The following SH3KBP1 variants were observed in gnomAD, a reference collection of about 807,000 sequenced individuals.
SH3KBP1 encodes the protein SH3 domain containing kinase binding protein 1, also known as SH3 domain-containing kinase-binding protein 1.
SH3KBP1 carries 8 observed loss-of-function variants against 50.1 expected under a neutral mutation model. That is an observed-to-expected ratio of 0.16 (90% CI 0.09 to 0.29). The LOEUF (loss-of-function observed/expected upper bound fraction) is 0.29. Among genes scored for constraint, SH3KBP1 ranks in the 10% least tolerant of loss-of-function variants. The probability of loss-of-function intolerance (pLI) is 1.00; values close to 1 mark genes in which losing one functional copy is unlikely to be tolerated. For synonymous variants in SH3KBP1, 227 were observed against 218.6 expected (o/e 1.04, Z -0.34); for missense variants, 377 against 535.2 (o/e 0.70, Z 2.92).
intron 3 of SH3KBP1, among the ~76,000 whole-genome samples, chrX:19,719,288 G>A (rs915091519): frequency 1.8e-5 from 2 of 111,065 alleles, no homozygotes; most frequent in African/African-American, 6.6e-5. Context: ...ATCCCTATGT[G>A]GACCCCAGGT....
intron 6 of SH3KBP1, among the ~76,000 whole-genome samples, chrX:19,657,526 A>G (rs954460068): frequency 1.8e-5 from 2 of 110,281 alleles, no homozygotes; most frequent in African/African-American, 6.6e-5. Flanking sequence ...TCAAGAGATC[A>G]AGACCAACCT....
At chrX:19,539,384 C>T (rs182930264) in intron 16 of SH3KBP1, among the ~76,000 whole-genome samples, 5 of 111,949 alleles carry the variant, frequency 4.5e-5, no homozygotes, top group Admixed American at 1.9e-4. Context: ...TATATCACAA[C>T]GAATATGAAC....
At chrX:19,620,394 C>T (rs1407494906) in intron 8 of SH3KBP1, among the ~76,000 whole-genome samples, 1 of 112,400 alleles carries the variant, frequency 8.9e-6, no homozygotes. Flanking sequence ...CCATTCTTCA[C>T]CAGACAAATC....
intron 6 of SH3KBP1, among the ~76,000 whole-genome samples, chrX:19,657,362 A>G (rs2062309049): frequency 1.0e-5 from 1 of 98,052 alleles, no homozygotes; most frequent in South Asian, 4.9e-4. Context: ...CCTGGGTGAC[A>G]GAGCAAGATC....
At chrX:19,845,709 C>G (rs1436087152) in intron 1 of SH3KBP1, among the ~76,000 whole-genome samples, 2 of 108,823 alleles carry the variant, frequency 1.8e-5, no homozygotes, top group African/African-American at 6.7e-5. Context: ...CTCCCAAGTT[C>G]AAGTGATTCT....
rs756401306 is a variant in SH3KBP1 at position 19,695,683 on chromosome X, T to C, written c.449A>G (p.Asn150Ser). ...CTCCCCTGACAGCTCCTTGATGAAG[T>C]TGGAAGGAAACATTCCAGTCTTCCC... ...LNGKTGMFPS[N>S]FIKELSGESD... Residue 150 changes from asparagine (N) to serine (S), a missense_variant, in exon 5 of 18, where the codon AAC (asparagine) becomes AGC (serine). Asn to Ser is a conservative substitution (Grantham distance 46). Around this residue, in one of 3 missense-constraint regions of SH3KBP1, gnomAD observed 257 missense variants for 374.2 expected, o/e 0.69. Transcript: ENST00000397821. 2 of 1,208,976 alleles carry C rather than the reference T, an allele frequency of 1.7e-6. No homozygotes were observed. The highest frequency in any genetic ancestry group is 1.7e-5 in the African/African-American group (1 of 57,177).
At chrX:19,742,595 G>A (rs1300155134) in intron 3 of SH3KBP1, among the ~76,000 whole-genome samples, 1 of 107,356 alleles carries the variant, frequency 9.3e-6, no homozygotes, top group Non-Finnish European at 1.9e-5. Context: ...TTTTTGAGAT[G>A]GAGTTTCACT....
chrX:19,567,518 C>CAAAAA (rs869158450), intron 13 of SH3KBP1, among the ~76,000 whole-genome samples: 2 of 7,272 alleles, frequency 2.8e-4, no homozygotes, highest in African/African-American at 5.6e-4. Context: ...GACTCCATCT[C>CAAAAA]AAAAAAAAAA....
chrX:19,755,096 C>G (rs1349188745), intron 2 of SH3KBP1, among the ~76,000 whole-genome samples: 1 of 111,939 alleles, frequency 8.9e-6, no homozygotes, highest in Non-Finnish European at 1.9e-5. Context: ...GAATGGCAGG[C>G]ACGGTGGCTC....
At chrX:19,781,550 C>T (rs770781618) in intron 2 of SH3KBP1, among the ~76,000 whole-genome samples, 11 of 106,463 alleles carry the variant, frequency 1.0e-4, no homozygotes, top group African/African-American at 3.4e-4. Context: ...CCCAGGAGGT[C>T]GAGACTGCAG....
At chrX:19,766,128 C>T (rs972987018) in intron 2 of SH3KBP1, among the ~76,000 whole-genome samples, 1 of 111,497 alleles carries the variant, frequency 9.0e-6, no homozygotes, top group African/African-American at 3.3e-5. Flanking sequence ...ACATCCCCAC[C>T]GACAGTATAT....
chrX:19,731,175 G>C (rs1379640332), intron 3 of SH3KBP1, among the ~76,000 whole-genome samples: 1 of 111,936 alleles, frequency 8.9e-6, no homozygotes, highest in Non-Finnish European at 1.9e-5. Context: ...CTGACCTCAG[G>C]TAATCCGCCC....
intron 3 of SH3KBP1, among the ~76,000 whole-genome samples, chrX:19,715,963 G>A (rs893686998): frequency 1.8e-5 from 2 of 111,762 alleles, no homozygotes; most frequent in African/African-American, 6.5e-5. Flanking sequence ...CCCAGTTACT[G>A]AGCAGCATGC....
chrX:19,703,498 G>C (rs1169924457), intron 4 of SH3KBP1, among the ~76,000 whole-genome samples: 1 of 111,781 alleles, frequency 8.9e-6, no homozygotes, highest in African/African-American at 3.3e-5. Context: ...ATTTAGGGAA[G>C]TGGCCTTGGC....
intron 8 of SH3KBP1, among the ~76,000 whole-genome samples, chrX:19,628,819 G>A (rs1321793224): frequency 1.8e-5 from 2 of 111,766 alleles, no homozygotes; most frequent in African/African-American, 3.3e-5. Flanking sequence ...TGGCTAGGCC[G>A]GCTGCAGTGG....
intron 15 of SH3KBP1, 119 bp downstream of exon 15, chrX:19,545,803 C>T (rs1162833918): frequency 4.8e-6 from 4 of 824,860 alleles, no homozygotes; most frequent in African/African-American, 2.0e-5. Flanking sequence ...GTAACAGAAT[C>T]GCTGTCACTG....
intron 7 of SH3KBP1, among the ~76,000 whole-genome samples, chrX:19,643,775 T>C (rs770200339): frequency 9.1e-4 from 101 of 111,600 alleles, no homozygotes; most frequent in Non-Finnish European, 1.7e-3. Flanking sequence ...CTCTGAATTG[T>C]AAAGCTTTTA....
At chrX:19,803,191 A>G (rs918802772) in intron 2 of SH3KBP1, among the ~76,000 whole-genome samples, 3 of 112,089 alleles carry the variant, frequency 2.7e-5, no homozygotes, top group African/African-American at 9.7e-5. Context: ...TAGAAGCTTC[A>G]GAAAAGGAAG....
Position 19,803,368 on chromosome X carries a change from C to A in SH3KBP1, c.162+32757G>T, listed in dbSNP as rs747648357. 3.6e-3 allele frequency among the ~76,000 whole-genome samples: 398 copies of A among 111,468 alleles called. 2 individuals carry two copies. The highest frequency in any genetic ancestry group is 5.9e-3 in the Non-Finnish European group (315 of 53,036). On this transcript the variant is annotated intron_variant, in intron 2 of 17. Coordinates refer to ENST00000397821, the MANE Select transcript of SH3KBP1 (RefSeq NM_031892.3). Reference sequence around the variant, plus strand: ...GCCAAGCCAGGCACACACCACCATGCCTGGCTAATTTTTAAATTTAGTGTA... The same window carrying A: ...GCCAAGCCAGGCACACACCACCATGACTGGCTAATTTTTAAATTTAGTGTA...
Sources: allele counts gnomAD v4.1 joint callset (sites outside exome capture counted in the v4.1 genomes callset), GRCh38; gene constraint gnomAD v4.1.1; regional missense constraint gnomAD v4.1.1; transcripts MANE v1.5; gene names NCBI Gene and HGNC (gene_info 2026-07-23, HGNC 2026-07-21).